Variants in MMP14 observed in about 807,000 individuals in gnomAD.
MMP14 encodes the protein matrix metalloproteinase-14.
In MMP14, 13 loss-of-function variants were observed where a neutral mutation model predicts 64.8. The ratio of observed to expected loss-of-function variants is 0.20; its 90% confidence interval spans 0.13 to 0.32. The LOEUF (loss-of-function observed/expected upper bound fraction) is 0.32, where lower values mean the gene tolerates loss of function less well. MMP14 is among the 10% of genes least tolerant of loss of function. The pLI, the probability that MMP14 is intolerant of heterozygous loss-of-function variation, is 1.00. For synonymous variants in MMP14, 322 were observed against 315.9 expected, an observed-to-expected ratio of 1.02 and a Z score of -0.20; for missense variants, 594 against 783.8, an observed-to-expected ratio of 0.76 and a Z score of 2.89.
chr14:22,840,413 CA>C (rs2039764881), intron 1 of MMP14, among the ~76,000 whole-genome samples: 1 of 152,120 alleles, frequency 6.6e-6, no homozygotes. Context: ...GGCAATATGC[CA>C]GCCTTTATAT....
At chr14:22,840,048 A>G (rs2039762602) in intron 1 of MMP14, among the ~76,000 whole-genome samples, 1 of 143,988 alleles carries the variant, frequency 6.9e-6, no homozygotes, top group African/African-American at 2.7e-5. Context: ...GCTAACTGCA[A>G]CCTTGGCCTC....
At chr14:22,840,654 G>A (rs192138741) in intron 1 of MMP14, among the ~76,000 whole-genome samples, 209 of 152,004 alleles carry the variant, frequency 1.4e-3, no homozygotes, top group African/African-American at 4.6e-3. Context: ...GACTACAAGC[G>A]CCCGCCACCG....
At chr14:22,837,608 G>T (rs1325228605) in intron 1 of MMP14, among the ~76,000 whole-genome samples, 1 of 152,266 alleles carries the variant, frequency 6.6e-6, no homozygotes, top group Non-Finnish European at 1.5e-5. Flanking sequence ...GATCGGCCGG[G>T]TCGCTGCCTC....
intron 1 of MMP14, 23 bp downstream of exon 1, chr14:22,836,948 C>T (rs535490392): frequency 8.4e-5 from 133 of 1,592,556 alleles, no homozygotes; most frequent in Non-Finnish European, 1.1e-4. Flanking sequence ...CCCGGCCCTT[C>T]CCGGAGTCGC....
chr14:22,844,109 A>G (rs1249882313), intron 6 of MMP14, among the ~76,000 whole-genome samples: 1 of 152,024 alleles, frequency 6.6e-6, no homozygotes, highest in Non-Finnish European at 1.5e-5. Context: ...AGGCAGGAGA[A>G]TCACGTGAAC....
chr14:22,841,684 C>A, intron 2 of MMP14, 45 bp downstream of exon 2: 1 of 1,609,928 alleles, frequency 6.2e-7, no homozygotes, highest in Non-Finnish European at 8.5e-7. Context: ...CATCCACTGA[C>A]AATGCCAGCG....
Position 22,846,281 on chromosome 14 carries a change from C to T in MMP14, c.*242C>T, listed in dbSNP as rs2039813130. The T allele has an allele frequency of 1.9e-6, 1 of 514,846 alleles. No individual in the cohort carries two copies. Among genetic ancestry groups the T allele is most frequent in the East Asian group, 3.1e-5 (1 of 31,782 alleles). 31.9% of individuals were successfully genotyped at this position (514,846 alleles called of 1,614,324 possible). ...GAGTGGGAGGGCGGCCCTTTCCAGC[C>T]TCTGCCCCTCAGGGGAACCCTGTAG... On this transcript the variant is annotated 3_prime_UTR_variant, in exon 10 of 10. Transcript: ENST00000311852.
At chr14:22,841,412 A>G in intron 1 of MMP14, 79 bp from the exon 2 acceptor site, 1 of 1,565,370 alleles carries the variant, frequency 6.4e-7, no homozygotes, top group Non-Finnish European at 8.7e-7. Context: ...CCAAGGCTGT[A>G]TGCTGGGCAT....
rs1336907941 is a variant in MMP14, at chr14:22,841,475, AC to A, written c.109-12del. The A allele has an allele frequency of 6.2e-7, 1 of 1,611,852 alleles. No homozygotes were observed. ...GCCAGGTGGGGACACTCTAAGCCAT[AC>A]CCCTTTCCCTACAGGCCTGGCTACA... On this transcript the variant is annotated splice_polypyrimidine_tract_variant and intron_variant, in intron 1 of 9. Coordinates refer to ENST00000311852, the MANE Select transcript of MMP14 (RefSeq NM_004995.4).
chr14:22,837,042 GC>G, intron 1 of MMP14, 117 bp downstream of exon 1: 1 of 774,734 alleles, frequency 1.3e-6, no homozygotes, highest in Non-Finnish European at 2.2e-6. Context: ...CGCTGCTCAG[GC>G]CTGCAGGATT....
intron 9 of MMP14, 99 bp downstream of exon 9, chr14:22,845,465 A>G (rs2138745256): frequency 2.0e-6 from 2 of 1,004,990 alleles, no homozygotes; most frequent in Non-Finnish European, 3.0e-6. Context: ...GTGGAAAACA[A>G]CGGCGATGAT....
At chr14:22,844,225 G>T (rs1401496356) in intron 6 of MMP14, 146 bp from the exon 7 acceptor site, 6 of 1,198,764 alleles carry the variant, frequency 5.0e-6, no homozygotes, top group Admixed American at 2.2e-5. Context: ...GGGGTACTCT[G>T]TGGTAGGGCG....
At position 22,847,721 on chromosome 14, in the gene MMP14, T is replaced by C. The variant is rs1195952333; in HGVS notation, c.*1682T>C. ...TGCCCTCTAAGGACAATTTTGACCT[T>C]GTTCAACCTTTCCACAAAGAATAAA... On this transcript the variant is annotated 3_prime_UTR_variant, in exon 10 of 10. Coordinates refer to ENST00000311852, the MANE Select transcript of MMP14 (RefSeq NM_004995.4). 1.3e-5 allele frequency: 2 copies of C among 152,032 alleles called. No individual in the cohort carries two copies. The highest frequency in any genetic ancestry group is 2.9e-5 in the Non-Finnish European group (2 of 68,010). The allele number at this position is 152,032 out of a possible 1,614,324, so 9.4% of individuals were successfully genotyped here.
chr14:22,844,494 T>C lies in MMP14; in HGVS notation c.1135T>C (p.Phe379Leu). ...NTAYERKDGK[F>L]VFFKGDKHWV... ...TGCCTACGAGAGGAAGGATGGCAAA[T>C]TCGTCTTCTTCAAAGGTAACCAGGC... is the stretch of plus-strand genomic sequence containing the variant. The change falls in exon 7 of 10, where the codon TTC (phenylalanine) becomes CTC (leucine). Residue 379 changes from phenylalanine (F) to leucine (L), a missense_variant. Transcript: ENST00000311852. 2 of 1,614,064 alleles carry C rather than the reference T, an allele frequency of 1.2e-6. No individual in the cohort carries two copies. The highest frequency in any genetic ancestry group is 3.3e-4 in the Middle Eastern group (2 of 6,062).
intron 7 of MMP14, 57 bp downstream of exon 7, chr14:22,844,566 T>G: frequency 6.2e-7 from 1 of 1,613,440 alleles, no homozygotes; most frequent in South Asian, 1.1e-5. Context: ...CTAGAGGAGC[T>G]GATTTCCTCT....
chr14:22,844,826 A>G (rs761829952), intron 8 of MMP14, 46 bp downstream of exon 8: 2 of 1,610,560 alleles, frequency 1.2e-6, no homozygotes, highest in Non-Finnish European at 1.7e-6. Flanking sequence ...AGAAACCACC[A>G]CCACCCCAAA....
Position 22,844,665 on chromosome 14 carries a change from G to A in MMP14, c.1186G>A (p.Glu396Lys), listed in dbSNP as rs770606883. 2 of 1,614,088 alleles carry A rather than the reference G, an allele frequency of 1.2e-6. No homozygotes were observed. The highest frequency in any genetic ancestry group is 1.1e-5 in the South Asian group (1 of 91,068). Residue 396 changes from glutamate (E) to lysine (K), a missense_variant, in exon 8 of 10, where the codon GAA becomes AAA. Physicochemically the swap from Glu to Lys is moderately conservative, Grantham distance 56. Around this residue, in one of 4 missense-constraint regions of MMP14, gnomAD observed 364 missense variants for 425.2 expected, o/e 0.86. Coordinates refer to ENST00000311852, the MANE Select transcript of MMP14 (RefSeq NM_004995.4). ...KHWVFDEASL[E>K]PGYPKHIKEL... ...TTGGGTGTTTGATGAGGCGTCCCTG[G>A]AACCTGGCTACCCCAAGCACATTAA... is the stretch of plus-strand genomic sequence containing the variant.
chr14:22,837,500 C>G, intron 1 of MMP14: 1 of 427,624 alleles, frequency 2.3e-6, no homozygotes. Flanking sequence ...CCGAGAGGAC[C>G]CCGCTGTGTC....
At chr14:22,840,512 C>CTT (rs768214975) in intron 1 of MMP14, among the ~76,000 whole-genome samples, 3 of 144,184 alleles carry the variant, frequency 2.1e-5, no homozygotes, top group South Asian at 2.2e-4. Context: ...TGTTGAGAAT[C>CTT]TTTTTTTTTT....
Sources: gnomAD v4.1 joint callset for allele counts (sites outside exome capture counted in the v4.1 genomes callset) on GRCh38, gnomAD v4.1.1 for gene constraint, gnomAD v4.1.1 regional missense constraint, MANE v1.5 for transcripts, NCBI Gene and HGNC (gene_info 2026-07-23, HGNC 2026-07-21) for gene names.